Variants in FBXW7 observed in about 807,000 individuals in gnomAD.
FBXW7 encodes the protein F-box and WD repeat domain containing 7, also known as F-box/WD repeat-containing protein 7.
In FBXW7, 11 loss-of-function variants were observed where a neutral mutation model predicts 86.3. That is an observed-to-expected ratio of 0.13 (90% CI 0.08 to 0.21). The LOEUF (loss-of-function observed/expected upper bound fraction) is 0.21, where lower values mean the gene tolerates loss of function less well. Ranked by LOEUF, FBXW7 falls within the 10% of genes least tolerant of loss-of-function variation. The probability of loss-of-function intolerance (pLI) is 1.00; values close to 1 mark genes in which losing one functional copy is unlikely to be tolerated. For synonymous variants in FBXW7, 313 were observed against 297.9 expected (o/e 1.05, Z -0.52); for missense variants, 488 against 847.4 (o/e 0.58, Z 5.27).
chr4:152,463,118 T>C (rs1021053473), intron 2 of FBXW7, among the ~76,000 whole-genome samples: 1 of 151,746 alleles, frequency 6.6e-6, no homozygotes, highest in Non-Finnish European at 1.5e-5. Flanking sequence ...TGAAACTCCA[T>C]CTATACTAAA....
At chr4:152,435,722 C>T (rs552703136) in intron 2 of FBXW7, among the ~76,000 whole-genome samples, 15 of 152,300 alleles carry the variant, frequency 9.8e-5, no homozygotes, top group African/African-American at 3.1e-4. Flanking sequence ...GTTTACTGCA[C>T]TTCACAAATA....
chr4:152,504,369 A>G (rs1747223347), intron 2 of FBXW7, among the ~76,000 whole-genome samples: 1 of 152,198 alleles, frequency 6.6e-6, no homozygotes, highest in Non-Finnish European at 1.5e-5. Flanking sequence ...AGTGTTTTGC[A>G]AAGTGGCTGC....
At chr4:152,330,681 G>C (rs1560765185) in intron 9 of FBXW7, 51 bp downstream of exon 9, 3 of 1,519,752 alleles carry the variant, frequency 2.0e-6, no homozygotes, top group Non-Finnish European at 2.7e-6. Flanking sequence ...TAGTACACTA[G>C]GTACTAACAC....
intron 2 of FBXW7, among the ~76,000 whole-genome samples, chr4:152,454,183 GA>G (rs1742182378): frequency 6.7e-6 from 1 of 149,280 alleles, no homozygotes. Context: ...AGAATCCAAA[GA>G]ACTACCCTTT....
chr4:152,441,060 T>TAAACAGAAAATACGTATC (rs991307829), intron 2 of FBXW7, among the ~76,000 whole-genome samples: 2 of 152,148 alleles, frequency 1.3e-5, no homozygotes, highest in Non-Finnish European at 2.9e-5. Context: ...TCCACTGTGA[T>TAAACAGAAAATACGTATC]AAACAGAAAA....
chr4:152,333,794 C>A (rs569963446), intron 7 of FBXW7, among the ~76,000 whole-genome samples: 2 of 152,106 alleles, frequency 1.3e-5, no homozygotes, highest in African/African-American at 4.8e-5. Context: ...TGGCTCACTC[C>A]TGTAATACCA....
At chr4:152,444,710 G>A (rs553151054) in intron 2 of FBXW7, among the ~76,000 whole-genome samples, 2 of 152,174 alleles carry the variant, frequency 1.3e-5, no homozygotes, top group Non-Finnish European at 2.9e-5. Flanking sequence ...CAAGAATCAT[G>A]TGAGAGGCTT....
rs544407751 is a variant in FBXW7, at chr4:152,494,180, G to A, written c.-120+40761C>T. ...ATCATCAACAGCATAAGGTACTGCAGAGAAAGGGAGAAAGCCTTAGATAGA... is the reference window on the plus strand; with the variant it reads ...ATCATCAACAGCATAAGGTACTGCAAAGAAAGGGAGAAAGCCTTAGATAGA... On this transcript the variant is annotated intron_variant, in intron 2 of 13. Transcript: ENST00000281708. Among the ~76,000 whole-genome samples, 7 of 152,168 alleles carry A rather than the reference G, an allele frequency of 4.6e-5. No individual in the cohort carries two copies. In the East Asian group the frequency reaches 1.2e-3, roughly 25 times the overall value.
At chr4:152,349,595 A>G (rs1731607862) in intron 5 of FBXW7, among the ~76,000 whole-genome samples, 1 of 151,952 alleles carries the variant, frequency 6.6e-6, no homozygotes, top group Non-Finnish European at 1.5e-5. Flanking sequence ...CAAGCCCATA[A>G]AAGAAAATTT....
chr4:152,382,240 C>G, intron 4 of FBXW7: 4 of 1,600,900 alleles, frequency 2.5e-6, no homozygotes, highest in Non-Finnish European at 3.4e-6. Context: ...TGCTAAATAT[C>G]TTCATCACAG....
chr4:152,369,820 T>C (rs1457801288), intron 4 of FBXW7, among the ~76,000 whole-genome samples: 2 of 152,008 alleles, frequency 1.3e-5, no homozygotes, highest in Admixed American at 1.3e-4. Flanking sequence ...AAAATGCATT[T>C]TTCCTTTTAA....
chr4:152,490,878 C>CA (rs1208366140), intron 2 of FBXW7, among the ~76,000 whole-genome samples: 3 of 151,874 alleles, frequency 2.0e-5, no homozygotes, highest in African/African-American at 7.3e-5. Context: ...GCAAGCAGTA[C>CA]AAAAAATAAC....
chr4:152,498,795 C>G (rs1746626269), intron 2 of FBXW7, among the ~76,000 whole-genome samples: 1 of 151,772 alleles, frequency 6.6e-6, no homozygotes, highest in Non-Finnish European at 1.5e-5. Context: ...GAAGAAAAAG[C>G]AATTCAAAAG....
At chr4:152,506,450 G>T (rs747501593) in intron 2 of FBXW7, among the ~76,000 whole-genome samples, 2 of 152,106 alleles carry the variant, frequency 1.3e-5, no homozygotes, top group Admixed American at 6.5e-5. Context: ...ACTTTCAGAC[G>T]ACTGGCAGTG....
chr4:152,386,822 G>A (rs1291946837), intron 4 of FBXW7, among the ~76,000 whole-genome samples: 1 of 151,940 alleles, frequency 6.6e-6, no homozygotes, highest in Non-Finnish European at 1.5e-5. Flanking sequence ...CTAAAAATTT[G>A]CATCCGTAAA....
At chr4:152,471,495 G>A (rs1320681612) in intron 2 of FBXW7, among the ~76,000 whole-genome samples, 1 of 122,352 alleles carries the variant, frequency 8.2e-6, no homozygotes, top group Non-Finnish European at 1.7e-5. Context: ...GAAAGGGGGA[G>A]GGAAGGGGAA....
At chr4:152,409,803 T>G (rs2126870473) in intron 4 of FBXW7, among the ~76,000 whole-genome samples, 1 of 152,042 alleles carries the variant, frequency 6.6e-6, no homozygotes, top group African/African-American at 2.4e-5. Context: ...CATAAATGCA[T>G]ACACACATGT....
At chr4:152,345,836 A>G (rs1731208676) in intron 6 of FBXW7, among the ~76,000 whole-genome samples, 2 of 152,170 alleles carry the variant, frequency 1.3e-5, no homozygotes, top group Admixed American at 6.5e-5. Context: ...TACAAAGTGA[A>G]CACCTTAAAA....
chr4:152,401,215 T>C lies in FBXW7; in HGVS notation c.501+10088A>G, dbSNP rs139841624. Among the ~76,000 whole-genome samples, 21 of 152,298 alleles carry C rather than the reference T, an allele frequency of 1.4e-4. No individual in the cohort carries two copies. The East Asian group carries it at 4.0e-3, about 29-fold the overall frequency. ...CATTTACGCAAAGGAGTTAAAAACT[T>C]AGTCCATGCAAAATCCTGCACACAG... On this transcript the variant is annotated intron_variant, in intron 4 of 13. Transcript: ENST00000281708.
Sources: allele counts gnomAD v4.1 joint callset (sites outside exome capture counted in the v4.1 genomes callset), GRCh38; gene constraint gnomAD v4.1.1; transcripts MANE v1.5; gene names NCBI Gene and HGNC (gene_info 2026-07-23, HGNC 2026-07-21).